Variants in KDM4B observed in about 807,000 individuals in gnomAD.
KDM4B encodes lysine demethylase 4B, also known as lysine-specific demethylase 4B.
Under a neutral mutation model 125.2 loss-of-function variants are expected in KDM4B, and 32 were observed. The observed-to-expected ratio is 0.26, with a 90% CI of 0.19 to 0.34. The LOEUF (loss-of-function observed/expected upper bound fraction) is 0.34, where lower values mean the gene tolerates loss of function less well. Among genes scored for constraint, KDM4B ranks in the 10% least tolerant of loss-of-function variants. The probability of loss-of-function intolerance (pLI) is 1.00; values close to 1 mark genes in which losing one functional copy is unlikely to be tolerated. For missense variants in KDM4B, 1,190 were observed against 1,577.7 expected, an observed-to-expected ratio of 0.75 and a Z score of 4.16; for synonymous variants, 721 against 677.9, an observed-to-expected ratio of 1.06 and a Z score of -0.99.
Position 5,131,288 on chromosome 19 carries a change from C to T in KDM4B, c.1528C>T (p.Pro510Ser). ...CCTGCCGGCACCCCTTAATGTCGTG[C>T]CCCCTGAGGTGCCCAGTGAGGAGCT... ...SPLPAPLNVV[P>S]PEVPSEELEA... The change falls in exon 12 of 23, where the codon CCC becomes TCC. Residue 510 changes from proline to serine, a missense_variant. By Grantham distance (74) the Pro-to-Ser change is moderately conservative. Transcript: ENST00000159111. 5 of 1,611,916 alleles carry T rather than the reference C, an allele frequency of 3.1e-6. No individual in the cohort carries two copies. Among genetic ancestry groups the T allele is most frequent in the South Asian group, 1.1e-5 (1 of 91,002 alleles).
intron 20 of KDM4B, 44 bp from the exon 21 acceptor site, chr19:5,144,739 C>A: frequency 6.2e-7 from 1 of 1,611,916 alleles, no homozygotes; most frequent in Non-Finnish European, 8.5e-7. Flanking sequence ...CAGCCCCCAG[C>A]GTAGTGTGGC....
At chr19:5,132,717 TC>T (rs200833345) in intron 13 of KDM4B, among the ~76,000 whole-genome samples, 4,934 of 145,644 alleles carry the variant, frequency 0.034, 107 homozygotes, top group African/African-American at 0.043. Flanking sequence ...CTCCGTGGAC[TC>T]CCCCACTCCC....
At chr19:4,983,718 A>G (rs889026902) in intron 1 of KDM4B, among the ~76,000 whole-genome samples, 6 of 152,162 alleles carry the variant, frequency 3.9e-5, no homozygotes, top group African/African-American at 1.2e-4. Flanking sequence ...GAAAGCCCAG[A>G]AGAGAGACTT....
In KDM4B at chr19:5,131,153, C is replaced by A. The variant is rs1434493336; in HGVS notation, c.1393C>A (p.Gln465Lys). 6.4e-7 allele frequency: 1 copy of A among 1,556,222 alleles called. No homozygotes were observed. Among genetic ancestry groups the A allele is most frequent in the South Asian group, 1.2e-5 (1 of 83,066 alleles). Reference sequence around the variant, plus strand: ...GAAGAGCTTCGGCCTGCTGCCCCCACAGCTGCCGCCCCCGCCTGCTCACTT... The same window carrying A: ...GAAGAGCTTCGGCCTGCTGCCCCCAAAGCTGCCGCCCCCGCCTGCTCACTT... ...KKKSFGLLPP[Q>K]LPPPPAHFPS... Residue 465 changes from glutamine (Q) to lysine (K), a missense_variant, in exon 12 of 23, where the codon CAG becomes AAG. Transcript: ENST00000159111.
intron 2 of KDM4B, among the ~76,000 whole-genome samples, chr19:5,031,987 G>A (rs980527784): frequency 9.2e-5 from 14 of 152,286 alleles, no homozygotes; most frequent in African/African-American, 2.6e-4. Flanking sequence ...CCTTGTTTCC[G>A]AATCCTAGAG....
In KDM4B at chr19:5,115,746, G is replaced by T. The variant is rs1338124540; in HGVS notation, c.1116-3907G>T. ...GAAAAAGAGCCATTGCTGTGAAGAAGAAACATTCCAGGAACGAGTGGCTCT... is the reference window on the plus strand; with the variant it reads ...GAAAAAGAGCCATTGCTGTGAAGAATAAACATTCCAGGAACGAGTGGCTCT... On this transcript the variant is annotated intron_variant, in intron 10 of 22. Transcript: ENST00000159111. This position sits in a 1 kb window ranked among gnomAD's most constrained non-coding sequence, Gnocchi z 4.2. 6.6e-6 allele frequency among the ~76,000 whole-genome samples: 1 copy of T among 152,226 alleles called. No homozygotes were observed. The highest frequency in any genetic ancestry group is 1.5e-5 in the Non-Finnish European group (1 of 68,040).
intron 10 of KDM4B, chr19:5,119,031 G>A: frequency 1.3e-6 from 1 of 749,966 alleles, no homozygotes; most frequent in Non-Finnish European, 2.2e-6. Context: ...CCAGGGAGTT[G>A]GGGACAGAGC....
intron 1 of KDM4B, among the ~76,000 whole-genome samples, chr19:4,987,103 C>T (rs957110628): frequency 8.6e-5 from 13 of 151,668 alleles, no homozygotes; most frequent in Non-Finnish European, 1.3e-4. Flanking sequence ...GGATCACAGG[C>T]GCCCGCCACT....
At chr19:5,028,030 G>T (rs886357405) in intron 2 of KDM4B, among the ~76,000 whole-genome samples, 1 of 152,202 alleles carries the variant, frequency 6.6e-6, no homozygotes, top group African/African-American at 2.4e-5. Flanking sequence ...AGGCTGGAGT[G>T]CAGGGGTGCA....
At chr19:4,991,430 A>C (rs945590290) in intron 1 of KDM4B, among the ~76,000 whole-genome samples, 1 of 152,224 alleles carries the variant, frequency 6.6e-6, no homozygotes, top group Admixed American at 6.5e-5. Flanking sequence ...CCTGGGCAAC[A>C]CAGTGAGACC....
intron 9 of KDM4B, among the ~76,000 whole-genome samples, chr19:5,085,819 G>A (rs2038473808): frequency 1.3e-5 from 2 of 152,242 alleles, no homozygotes. Flanking sequence ...TCTTGGCGGG[G>A]CAGCCGGCCC....
At chr19:4,975,723 G>T (rs1359240390) in intron 1 of KDM4B, among the ~76,000 whole-genome samples, 2 of 151,574 alleles carry the variant, frequency 1.3e-5, no homozygotes, top group East Asian at 2.0e-4. Context: ...CTCTTGAGTA[G>T]CTGGGATTAC....
At position 5,149,588 on chromosome 19, in the gene KDM4B, C is replaced by A. The variant is rs572790407; in HGVS notation, c.3022-770C>A. ...CAGCACCTTTCCTGGCTTGGGAACACGGCGCCCATCGCAGTTATGAGGTGG... is the reference window on the plus strand; with the variant it reads ...CAGCACCTTTCCTGGCTTGGGAACAAGGCGCCCATCGCAGTTATGAGGTGG... On this transcript the variant is annotated intron_variant, in intron 21 of 22. Coordinates refer to ENST00000159111, the MANE Select transcript of KDM4B (RefSeq NM_015015.3). Among the ~76,000 whole-genome samples, 6 of 152,356 alleles carry A rather than the reference C, an allele frequency of 3.9e-5. No individual in the cohort carries two copies. The East Asian group carries it at 1.2e-3, about 29-fold the overall frequency.
At chr19:4,969,650 AG>A (rs1271915428) in intron 1 of KDM4B, among the ~76,000 whole-genome samples, 2 of 151,934 alleles carry the variant, frequency 1.3e-5, no homozygotes, top group Non-Finnish European at 2.9e-5. Context: ...AAAGAAAGCA[AG>A]AAAAAGGAAA....
intron 18 of KDM4B, chr19:5,140,778 G>C (rs1308814558): frequency 6.6e-6 from 1 of 152,192 alleles, no homozygotes; most frequent in Non-Finnish European, 1.5e-5. Context: ...TGTTGCTGGG[G>C]CCGCGTCCCC....
At chr19:4,983,662 T>C (rs2034727542) in intron 1 of KDM4B, among the ~76,000 whole-genome samples, 1 of 152,144 alleles carries the variant, frequency 6.6e-6, no homozygotes, top group African/African-American at 2.4e-5. Context: ...AGGAGGTGTT[T>C]CCGGGAAGAG....
intron 7 of KDM4B, chr19:5,074,816 G>A (rs2038052933): frequency 6.6e-6 from 1 of 152,382 alleles, no homozygotes; most frequent in South Asian, 2.1e-4. Context: ...TTCCACCAAT[G>A]ACCCAATGGG....
At chr19:5,083,311 G>A (rs189781920) in intron 9 of KDM4B, among the ~76,000 whole-genome samples, 127 of 152,334 alleles carry the variant, frequency 8.3e-4, no homozygotes, top group South Asian at 3.5e-3. Context: ...CGGGTGGGAC[G>A]GGGTCGCCTT....
chr19:4,976,093 T>G (rs1270249037), intron 1 of KDM4B, among the ~76,000 whole-genome samples: 1 of 151,152 alleles, frequency 6.6e-6, no homozygotes, highest in African/African-American at 2.4e-5. Context: ...CTACTAAAAA[T>G]ACAAAATTAG....
Sources: allele counts gnomAD v4.1 joint callset (sites outside exome capture counted in the v4.1 genomes callset), GRCh38; gene constraint gnomAD v4.1.1; non-coding constraint Gnocchi (gnomAD v3.1); transcripts MANE v1.5; gene names NCBI Gene and HGNC (gene_info 2026-07-23, HGNC 2026-07-21).